The following LAMB4 variants were observed in gnomAD, a reference collection of about 807,000 sequenced individuals.
The protein encoded by LAMB4 is laminin subunit beta-4.
LAMB4 carries 196 observed loss-of-function variants against 199.2 expected under a neutral mutation model. The observed-to-expected ratio is 0.98, with a 90% confidence interval of 0.88 to 1.11. The LOEUF (loss-of-function observed/expected upper bound fraction) is 1.11. Among genes scored for constraint, LAMB4 ranks in the 50% least tolerant of loss-of-function variants. LAMB4 has a pLI of 0.00. For synonymous variants in LAMB4, 744 were observed against 770.6 expected, an observed-to-expected ratio of 0.97 and a Z score of 0.57; for missense variants, 2,080 against 2,171.2, an observed-to-expected ratio of 0.96 and a Z score of 0.83.
intron 3 of LAMB4, 49 bp from the exon 4 acceptor site, chr7:108,111,995 T>A: frequency 6.7e-7 from 1 of 1,486,232 alleles, no homozygotes; most frequent in Middle Eastern, 1.8e-4. Context: ...GAATTACATA[T>A]TGTTGGGCTA....
intron 1 of LAMB4, among the ~76,000 whole-genome samples, chr7:108,127,940 A>T (rs401279): frequency 1 from 152,128 of 152,298 alleles, 75,979 homozygotes; most frequent in Middle Eastern, 1. Context: ...ACCCTGAGAA[A>T]GACCTGTGGT....
At chr7:108,026,694 C>T (rs957148145) in intron 33 of LAMB4, 3 of 250,102 alleles carry the variant, frequency 1.2e-5, no homozygotes, top group African/African-American at 6.8e-5. Context: ...CCCCGACTGA[C>T]ACCAAGTTCT....
At chr7:108,117,158 T>C (rs571493494) in intron 2 of LAMB4, among the ~76,000 whole-genome samples, 1 of 152,354 alleles carries the variant, frequency 6.6e-6, no homozygotes, top group East Asian at 1.9e-4. Context: ...AATCAAATTA[T>C]TCTGGAAAAT....
chr7:108,014,696 A>T, the LAMB4 span, among the ~76,000 whole-genome samples: 1 of 151,816 alleles, frequency 6.6e-6, no homozygotes, highest in South Asian at 2.1e-4. Flanking sequence ...AGTCTGAAGG[A>T]TTGAAGACTA....
downstream of LAMB4, among the ~76,000 whole-genome samples, chr7:108,019,857 A>T (rs1443564014): frequency 6.6e-6 from 1 of 152,044 alleles, no homozygotes; most frequent in Non-Finnish European, 1.5e-5. Flanking sequence ...GCTTCTGCCT[A>T]ATTGTTTTCA....
At chr7:108,063,461 C>A (rs2036233889) in intron 22 of LAMB4, among the ~76,000 whole-genome samples, 1 of 152,188 alleles carries the variant, frequency 6.6e-6, no homozygotes, top group African/African-American at 2.4e-5. Context: ...CACAGGTGAA[C>A]TGCGGACTAA....
At chr7:108,038,128 G>A (rs980609808) in intron 29 of LAMB4, among the ~76,000 whole-genome samples, 11 of 152,070 alleles carry the variant, frequency 7.2e-5, no homozygotes, top group Admixed American at 5.2e-4. Context: ...ACAATACAGA[G>A]TAAAGGAACA....
At chr7:108,036,486 C>A (rs1395866462) in intron 30 of LAMB4, among the ~76,000 whole-genome samples, 1 of 152,186 alleles carries the variant, frequency 6.6e-6, no homozygotes, top group African/African-American at 2.4e-5. Flanking sequence ...CCGTGCCCGG[C>A]CTACTTAATC....
At chr7:108,105,694 T>A (rs2037978684) in intron 8 of LAMB4, 123 bp downstream of exon 8, 2 of 809,862 alleles carry the variant, frequency 2.5e-6, no homozygotes, top group African/African-American at 3.4e-5. Context: ...ATGGTACCCA[T>A]CTCAGCATAA....
intron 11 of LAMB4, 74 bp from the exon 12 acceptor site, chr7:108,095,411 C>A (rs2037560173): frequency 9.0e-7 from 1 of 1,105,204 alleles, no homozygotes. Flanking sequence ...ATAGCTCACA[C>A]AAAGCAAGAA....
downstream of LAMB4, among the ~76,000 whole-genome samples, chr7:108,020,470 C>CAA (rs57432162): frequency 1.9e-4 from 12 of 62,858 alleles, 1 homozygote; most frequent in Non-Finnish European, 3.5e-4. Flanking sequence ...GACTCCATCT[C>CAA]AAAAAAAAAA....
chr7:108,083,233 C>T (rs1275828811), intron 14 of LAMB4, among the ~76,000 whole-genome samples: 2 of 152,170 alleles, frequency 1.3e-5, no homozygotes, highest in Non-Finnish European at 2.9e-5. Context: ...TGTATGTTCA[C>T]AGTCTTGCTC....
intron 28 of LAMB4, among the ~76,000 whole-genome samples, chr7:108,044,868 G>A (rs1435017261): frequency 6.8e-6 from 1 of 146,526 alleles, no homozygotes; most frequent in African/African-American, 2.6e-5. Flanking sequence ...CAGGAGAATC[G>A]CTTGAATCCA....
At chr7:108,122,676 G>A (rs1036538076) in intron 2 of LAMB4, among the ~76,000 whole-genome samples, 1 of 152,216 alleles carries the variant, frequency 6.6e-6, no homozygotes, top group Non-Finnish European at 1.5e-5. Flanking sequence ...TATGATTAAT[G>A]TAAATTGTTC....
chr7:108,093,363 C>T (rs1196944414), intron 12 of LAMB4, among the ~76,000 whole-genome samples: 3 of 152,204 alleles, frequency 2.0e-5, no homozygotes, highest in Non-Finnish European at 4.4e-5. Context: ...CCAGGCTCGG[C>T]CGTGTAACTG....
intron 23 of LAMB4, among the ~76,000 whole-genome samples, chr7:108,061,887 G>A (rs2036173406): frequency 6.6e-6 from 1 of 152,122 alleles, no homozygotes; most frequent in Non-Finnish European, 1.5e-5. Flanking sequence ...GTTGAATAGT[G>A]GAGCTGAAAT....
intron 26 of LAMB4, among the ~76,000 whole-genome samples, 194 bp from the exon 27 acceptor site, chr7:108,049,725 A>C (rs1188615880): frequency 6.6e-6 from 1 of 152,234 alleles, no homozygotes; most frequent in Non-Finnish European, 1.5e-5. Flanking sequence ...TGGATAGAAT[A>C]GATACAGGGC....
chr7:108,077,080 T>C lies in LAMB4; in HGVS notation c.2004-16A>G. The stretch of plus-strand genomic sequence containing the variant: ...CAGCATGATTCTGTATTAAGAAAGA[T>C]AAAGCAAAAATTCAGACCACAGAAA... On this transcript the variant is annotated splice_polypyrimidine_tract_variant and intron_variant, in intron 16 of 33. Transcript: ENST00000388781. The C allele has an allele frequency of 1.9e-6, 3 of 1,610,720 alleles. No homozygotes were observed. Among genetic ancestry groups the C allele is most frequent in the African/African-American group, 1.3e-5 (1 of 74,830 alleles).
At chr7:108,110,468 G>A (rs1052109464) in intron 4 of LAMB4, among the ~76,000 whole-genome samples, 2 of 152,226 alleles carry the variant, frequency 1.3e-5, no homozygotes, top group Non-Finnish European at 2.9e-5. Flanking sequence ...GGCTCCAGAC[G>A]AAAGCGGCTG....
Sources: gnomAD v4.1 joint callset for allele counts (sites outside exome capture counted in the v4.1 genomes callset) on GRCh38, gnomAD v4.1.1 for gene constraint, MANE v1.5 for transcripts, NCBI Gene and HGNC (gene_info 2026-07-23, HGNC 2026-07-21) for gene names.